BMPR1B: variants seen among roughly 807,000 people sequenced by gnomAD.
BMPR1B encodes the protein bone morphogenetic protein receptor type 1B.
BMPR1B carries 12 observed loss-of-function variants against 59.1 expected under a neutral mutation model. That is an observed-to-expected ratio of 0.20 (90% CI 0.13 to 0.33). The LOEUF (loss-of-function observed/expected upper bound fraction) is 0.33. BMPR1B is among the 10% of genes least tolerant of loss of function. The probability of loss-of-function intolerance (pLI) is 1.00; values close to 1 mark genes in which losing one functional copy is unlikely to be tolerated. For missense variants in BMPR1B, 550 were observed against 610.9 expected (o/e 0.90, Z 1.05); for synonymous variants, 237 against 207.3 (o/e 1.14, Z -1.23).
At chr4:94,863,303 C>T (rs1036144738) in intron 1 of BMPR1B, among the ~76,000 whole-genome samples, 3 of 151,854 alleles carry the variant, frequency 2.0e-5, no homozygotes, top group East Asian at 3.9e-4. Context: ...ATAGAACAAA[C>T]CTGCACGTGT....
At chr4:94,791,614 A>C (rs975874533) in intron 1 of BMPR1B, among the ~76,000 whole-genome samples, 1 of 152,142 alleles carries the variant, frequency 6.6e-6, no homozygotes, top group African/African-American at 2.4e-5. Flanking sequence ...ATTGATACTC[A>C]GGCAAATAAG....
intron 10 of BMPR1B, among the ~76,000 whole-genome samples, chr4:95,146,561 T>G (rs1022143495): frequency 2.6e-5 from 4 of 152,188 alleles, no homozygotes; most frequent in Non-Finnish European, 5.9e-5. Context: ...CCTTTGGCCT[T>G]TCTAAATGCC....
intron 10 of BMPR1B, among the ~76,000 whole-genome samples, chr4:95,139,805 G>C (rs2149314443): frequency 6.6e-6 from 1 of 152,336 alleles, no homozygotes. Flanking sequence ...TAGGGTGGGA[G>C]TGTTCCAATT....
intron 2 of BMPR1B, among the ~76,000 whole-genome samples, chr4:94,890,329 A>G: frequency 6.6e-6 from 1 of 151,988 alleles, no homozygotes; most frequent in East Asian, 1.9e-4. Context: ...CCCAAAGCTT[A>G]TTTCTGAGTT....
At chr4:95,112,678 G>T (rs1171232035) in intron 4 of BMPR1B, among the ~76,000 whole-genome samples, 1 of 151,934 alleles carries the variant, frequency 6.6e-6, no homozygotes, top group Admixed American at 6.6e-5. Context: ...TTTTCTCAGG[G>T]TCTCCCCTCT....
intron 1 of BMPR1B, among the ~76,000 whole-genome samples, chr4:94,834,339 T>TA (rs1309561926): frequency 1.3e-5 from 2 of 152,214 alleles, no homozygotes; most frequent in Non-Finnish European, 2.9e-5. Flanking sequence ...TCTTTCGTGA[T>TA]ATGCTTATCT....
intron 3 of BMPR1B, among the ~76,000 whole-genome samples, chr4:95,049,355 C>T (rs1726267848): frequency 6.8e-6 from 1 of 147,202 alleles, no homozygotes; most frequent in South Asian, 2.2e-4. Flanking sequence ...CTTAGGTGAT[C>T]CTCCTGCCTC....
intron 3 of BMPR1B, among the ~76,000 whole-genome samples, chr4:95,003,801 C>CTATTT (rs1722623828): frequency 1.2e-5 from 1 of 84,560 alleles, no homozygotes; most frequent in African/African-American, 4.8e-5. Flanking sequence ...CAAAGTCCAT[C>CTATTT]TTTTTTTTTT....
At chr4:94,939,746 G>A (rs1253674020) in intron 2 of BMPR1B, among the ~76,000 whole-genome samples, 1 of 152,108 alleles carries the variant, frequency 6.6e-6, no homozygotes, top group African/African-American at 2.4e-5. Context: ...TAGGGATAGC[G>A]ATTATATTTT....
intron 1 of BMPR1B, among the ~76,000 whole-genome samples, chr4:94,816,269 C>T (rs1381264484): frequency 6.6e-6 from 1 of 152,180 alleles, no homozygotes; most frequent in Admixed American, 6.5e-5. Flanking sequence ...GCTTCAGCCT[C>T]CCGAGTACCT....
intron 6 of BMPR1B, 53 bp from the exon 7 acceptor site, chr4:95,123,757 T>A (rs948659263): frequency 2.9e-6 from 4 of 1,393,084 alleles, no homozygotes; most frequent in Admixed American, 1.7e-5. Flanking sequence ...TACTTTCTTA[T>A]TTTTAAGTAA....
intron 2 of BMPR1B, among the ~76,000 whole-genome samples, chr4:94,954,987 A>G (rs1000734191): frequency 2.0e-5 from 3 of 152,050 alleles, no homozygotes; most frequent in Admixed American, 1.3e-4. Context: ...ACCCCCTTAT[A>G]CTTTTAATCT....
At chr4:94,871,090 A>G (rs957305656) in intron 1 of BMPR1B, among the ~76,000 whole-genome samples, 1 of 152,126 alleles carries the variant, frequency 6.6e-6, no homozygotes, top group Non-Finnish European at 1.5e-5. Flanking sequence ...GCATTATCCC[A>G]ATTTTACAGA....
At chr4:95,071,624 ATGTGTGTTTGTG>A (rs1431900873) in intron 3 of BMPR1B, among the ~76,000 whole-genome samples, 12 of 124,154 alleles carry the variant, frequency 9.7e-5, no homozygotes, top group African/African-American at 2.2e-4. Context: ...ATGAATATAT[ATGTGTGTTTGTG>A]TGTGTGTGTG....
intron 2 of BMPR1B, among the ~76,000 whole-genome samples, chr4:94,939,706 A>G (rs1473241829): frequency 6.6e-6 from 1 of 152,250 alleles, no homozygotes; most frequent in Non-Finnish European, 1.5e-5. Context: ...AATAGCTAGT[A>G]GGAAACCTCA....
intron 10 of BMPR1B, among the ~76,000 whole-genome samples, chr4:95,141,238 T>C (rs1734210875): frequency 6.6e-6 from 1 of 152,342 alleles, no homozygotes; most frequent in African/African-American, 2.4e-5. Flanking sequence ...TTGCTTTATG[T>C]GTTTCTTTAG....
intron 1 of BMPR1B, among the ~76,000 whole-genome samples, chr4:94,765,986 T>C (rs1721954009): frequency 6.6e-6 from 1 of 152,178 alleles, no homozygotes; most frequent in East Asian, 1.9e-4. Context: ...ATCTGTAAAA[T>C]GTCAATGACA....
In BMPR1B at chr4:94,937,952, C is replaced by G. The variant is rs565167235; in HGVS notation, c.-112-58088C>G. Among the ~76,000 whole-genome samples the G allele has an allele frequency of 1.1e-4, 17 of 152,158 alleles. No homozygotes were observed. In the East Asian group the frequency reaches 2.9e-3, roughly 26 times the overall value. On this transcript the variant is annotated intron_variant, in intron 2 of 12. Coordinates refer to ENST00000515059, the MANE Select transcript of BMPR1B (RefSeq NM_001203.3). ...TTACCTATCTTATTTTCAGTAAATC[C>G]TAGATATTTCATATAGGTTTAGTGT...
chr4:95,052,702 T>C (rs1192749199), intron 3 of BMPR1B, among the ~76,000 whole-genome samples: 3 of 152,342 alleles, frequency 2.0e-5, no homozygotes, highest in Non-Finnish European at 4.4e-5. Context: ...ACTATTAAGA[T>C]ACTATGTTCT....
Sources: gnomAD v4.1 joint callset for allele counts (sites outside exome capture counted in the v4.1 genomes callset) on GRCh38, gnomAD v4.1.1 for gene constraint, MANE v1.5 for transcripts, NCBI Gene and HGNC (gene_info 2026-07-23, HGNC 2026-07-21) for gene names.